The following LPAR1 variants were observed in gnomAD, a reference collection of about 807,000 sequenced individuals.
LPAR1 encodes the protein lysophosphatidic acid receptor 1.
Under a neutral mutation model 23.8 loss-of-function variants are expected in LPAR1, and 5 were observed. The observed-to-expected ratio is 0.21, with a 90% CI of 0.11 to 0.44. The LOEUF (loss-of-function observed/expected upper bound fraction) is 0.44, where lower values mean the gene tolerates loss of function less well. Ranked by LOEUF, LPAR1 falls within the 20% of genes least tolerant of loss-of-function variation. The pLI, the probability that LPAR1 is intolerant of heterozygous loss-of-function variation, is 0.99. For missense variants in LPAR1, 311 were observed against 482.8 expected, an observed-to-expected ratio of 0.64 and a Z score of 3.33; for synonymous variants, 160 against 164.7, an observed-to-expected ratio of 0.97 and a Z score of 0.22.
In LPAR1 at chr9:110,991,906, T is replaced by C. The variant is rs772961737; in HGVS notation, c.-181-18348A>G. On this transcript the variant is annotated intron_variant, in intron 2 of 5. Transcript: ENST00000683809. ...CCACTCCTGGCCAACAGAACCTTTC[T>C]GAAAGACTCCTCCCAGGCTGTAGTC... 2.0e-5 allele frequency among the ~76,000 whole-genome samples: 3 copies of C among 152,098 alleles called. No individual in the cohort carries two copies. In the South Asian group the frequency reaches 6.2e-4, roughly 31 times the overall value.
chr9:110,882,397 T>C (rs1329651021), intron 5 of LPAR1, among the ~76,000 whole-genome samples: 1 of 152,020 alleles, frequency 6.6e-6, no homozygotes. Flanking sequence ...ACAAGAAAAA[T>C]TAATAAGTAG....
intron 2 of LPAR1, among the ~76,000 whole-genome samples, chr9:110,989,635 A>C (rs2096858003): frequency 6.6e-6 from 1 of 152,204 alleles, no homozygotes; most frequent in African/African-American, 2.4e-5. Context: ...CTAACAATCC[A>C]ACAAGAAGAT....
chr9:110,980,009 A>C (rs1241041566), intron 2 of LPAR1, among the ~76,000 whole-genome samples: 1 of 152,088 alleles, frequency 6.6e-6, no homozygotes, highest in Admixed American at 6.6e-5. Context: ...TAGAACAAAA[A>C]ATTTGCAGAA....
At chr9:110,883,365 T>C (rs1369803676) in intron 5 of LPAR1, among the ~76,000 whole-genome samples, 1 of 152,176 alleles carries the variant, frequency 6.6e-6, no homozygotes, top group Non-Finnish European at 1.5e-5. Context: ...AGTACGTTTT[T>C]AAAATTTAAA....
chr9:110,944,080 T>C (rs2095286332), intron 4 of LPAR1, among the ~76,000 whole-genome samples: 2 of 152,204 alleles, frequency 1.3e-5, no homozygotes, highest in African/African-American at 4.8e-5. Flanking sequence ...CTCTCAACTC[T>C]GGTTCTCAAC....
At chr9:110,978,422 A>G (rs1311518679) in intron 2 of LPAR1, among the ~76,000 whole-genome samples, 22 of 152,248 alleles carry the variant, frequency 1.4e-4, no homozygotes, top group Admixed American at 1.4e-3. Flanking sequence ...GAAAAGCAAT[A>G]AAGGAGGAAA....
chr9:110,942,395 GTCT>G (rs1183999637), intron 4 of LPAR1, among the ~76,000 whole-genome samples: 1 of 152,124 alleles, frequency 6.6e-6, no homozygotes, highest in African/African-American at 2.4e-5. Flanking sequence ...AAATGACAAG[GTCT>G]CTGCTTAGTG....
chr9:110,989,698 T>C (rs936457064), intron 2 of LPAR1, among the ~76,000 whole-genome samples: 6 of 151,914 alleles, frequency 3.9e-5, no homozygotes, highest in South Asian at 4.2e-4. Flanking sequence ...AATGTGACAA[T>C]AGACAAAAGC....
chr9:111,022,749 C>T (rs1211825894), intron 2 of LPAR1, among the ~76,000 whole-genome samples: 7 of 152,102 alleles, frequency 4.6e-5, no homozygotes, highest in Non-Finnish European at 1.0e-4. Context: ...ACAGAGCAAG[C>T]CTTCAAAAAA....
In LPAR1 at chr9:110,941,822, C is replaced by G; in HGVS notation, c.392G>C (p.Ser131Thr). The G allele has an allele frequency of 1.2e-6, 2 of 1,614,176 alleles. No individual in the cohort carries two copies. Among genetic ancestry groups the G allele is most frequent in the Non-Finnish European group, 1.7e-6 (2 of 1,180,030 alleles). Reference sequence around the variant, plus strand: ...TAAGTTGGCCACAGATGCCGTCAGGCTGGTGTCAATGAGGCCCTGACGAAG... The same window carrying G: ...TAAGTTGGCCACAGATGCCGTCAGGGTGGTGTCAATGAGGCCCTGACGAAG... ...WLLRQGLIDT[S>T]LTASVANLLA... Residue 131 changes from serine to threonine, a missense_variant, in exon 5 of 6, where the codon AGC (serine) becomes ACC (threonine). Transcript: ENST00000683809. The surrounding 1 kb of genome is among the most constrained non-coding windows in gnomAD (Gnocchi z 6.1).
chr9:110,905,945 T>C lies in LPAR1; in HGVS notation c.794-30223A>G, dbSNP rs180746922. Among the ~76,000 whole-genome samples, 147 of 152,318 alleles carry C rather than the reference T, an allele frequency of 9.7e-4. 1 individual carries two copies. The highest frequency in any genetic ancestry group is 3.4e-3 in the African/African-American group (142 of 41,574). On this transcript the variant is annotated intron_variant, in intron 5 of 5. Transcript: ENST00000683809. ...TAATACCTAATTTACAGCAGTGCTA[T>C]AAGAACCACATGAATTTCTGTATTT...
chr9:111,022,328 T>C (rs930666335), intron 2 of LPAR1, among the ~76,000 whole-genome samples: 3 of 152,308 alleles, frequency 2.0e-5, no homozygotes, highest in Admixed American at 1.3e-4. Context: ...AGGTTGGGTA[T>C]TGTCAAGGGT....
In LPAR1 at chr9:111,002,859, C is replaced by A. The variant is rs112606266; in HGVS notation, c.-181-29301G>T. 4.6e-3 allele frequency among the ~76,000 whole-genome samples: 699 copies of A among 152,220 alleles called. 5 individuals carry two copies. Among genetic ancestry groups the A allele is most frequent in the African/African-American group, 0.016 (677 of 41,544 alleles). On this transcript the variant is annotated intron_variant, in intron 2 of 5. Coordinates refer to ENST00000683809, the MANE Select transcript of LPAR1 (RefSeq NM_001351411.2). ...ACTTCTCTTTAAAATATGAAGGGAGCCAGGCATGGTGGCTCACACTTGTAA... is the reference window on the plus strand; with the variant it reads ...ACTTCTCTTTAAAATATGAAGGGAGACAGGCATGGTGGCTCACACTTGTAA...
chr9:110,955,382 G>A (rs1413233201), intron 4 of LPAR1, among the ~76,000 whole-genome samples: 1 of 152,148 alleles, frequency 6.6e-6, no homozygotes, highest in South Asian at 2.1e-4. Context: ...CCAGGAAGAT[G>A]TAACAATTCT....
At chr9:111,029,878 C>T (rs1253529356) in intron 2 of LPAR1, among the ~76,000 whole-genome samples, 1 of 151,534 alleles carries the variant, frequency 6.6e-6, no homozygotes, top group South Asian at 2.1e-4. Flanking sequence ...CAGTGAAACC[C>T]CATCTCTACC....
chr9:110,926,858 C>T (rs1275884079), intron 5 of LPAR1, among the ~76,000 whole-genome samples: 1 of 152,156 alleles, frequency 6.6e-6, no homozygotes, highest in African/African-American at 2.4e-5. Flanking sequence ...TAAAATTGAG[C>T]AAGGACAGGT....
intron 5 of LPAR1, among the ~76,000 whole-genome samples, chr9:110,924,020 T>A (rs1217901729): frequency 6.6e-6 from 1 of 152,214 alleles, no homozygotes; most frequent in Non-Finnish European, 1.5e-5. Context: ...TTAGGTTTGC[T>A]AATGTTTATC....
At chr9:110,965,588 G>A (rs528374011) in intron 4 of LPAR1, among the ~76,000 whole-genome samples, 1 of 152,310 alleles carries the variant, frequency 6.6e-6, no homozygotes, top group South Asian at 2.1e-4. Context: ...TCTCACACCA[G>A]TTAGAATGAT....
rs1262800755 is a variant in LPAR1, at chr9:110,876,846, T to C, written c.794-1124A>G. On this transcript the variant is annotated intron_variant, in intron 5 of 5. Transcript: ENST00000683809. ...TTTAGTTTCTGAAATCACTCATCATTTGGATCCCAGGAAAATGGAGGTTGT... is the reference window on the plus strand; with the variant it reads ...TTTAGTTTCTGAAATCACTCATCATCTGGATCCCAGGAAAATGGAGGTTGT... Among the ~76,000 whole-genome samples, 5 of 152,312 alleles carry C rather than the reference T, an allele frequency of 3.3e-5. No individual in the cohort carries two copies. The East Asian group carries it at 5.8e-4, about 18-fold the overall frequency.
Sources: gnomAD v4.1 joint callset for allele counts (sites outside exome capture counted in the v4.1 genomes callset) on GRCh38, gnomAD v4.1.1 for gene constraint, Gnocchi (gnomAD v3.1) non-coding constraint, MANE v1.5 for transcripts, NCBI Gene and HGNC (gene_info 2026-07-23, HGNC 2026-07-21) for gene names.